SLC8A3: variants seen among roughly 807,000 people sequenced by gnomAD.
SLC8A3 encodes the protein sodium/calcium exchanger 3.
In SLC8A3, 37 loss-of-function variants were observed where a neutral mutation model predicts 65.4. The ratio of observed to expected loss-of-function variants is 0.57; its 90% CI spans 0.44 to 0.74. The LOEUF is 0.74. Ranked by LOEUF, SLC8A3 falls within the 30% of genes least tolerant of loss-of-function variation. SLC8A3 has a pLI of 0.00. For missense variants in SLC8A3, 1,112 were observed against 1,172.1 expected (o/e 0.95, Z 0.75); for synonymous variants, 461 against 444.5 (o/e 1.04, Z -0.47).
At chr14:70,063,683 G>A (rs1240926862) in intron 2 of SLC8A3, 2 of 601,628 alleles carry the variant, frequency 3.3e-6, no homozygotes, top group African/African-American at 1.9e-5. Flanking sequence ...GAGAGCAGGA[G>A]AGAGAGCAAG....
intron 2 of SLC8A3, among the ~76,000 whole-genome samples, chr14:70,153,455 G>A (rs764266802): frequency 1.2e-4 from 18 of 152,068 alleles, no homozygotes; most frequent in Non-Finnish European, 2.4e-4. Flanking sequence ...TGGAGGAGGG[G>A]GTTGTGCAAG....
At chr14:70,149,195 C>T (rs1461658712) in intron 2 of SLC8A3, among the ~76,000 whole-genome samples, 2 of 152,140 alleles carry the variant, frequency 1.3e-5, no homozygotes, top group East Asian at 1.9e-4. Flanking sequence ...AACTGCCTTG[C>T]TTAGGTAAAA....
Position 70,054,094 on chromosome 14 carries a change from G to C in SLC8A3, c.1889-1980C>G, listed in dbSNP as rs113905645. 9.2e-3 allele frequency among the ~76,000 whole-genome samples: 1,406 copies of C among 152,328 alleles called. 29 individuals are homozygous for C. The highest frequency in any genetic ancestry group is 0.031 in the African/African-American group (1,308 of 41,558). On this transcript the variant is annotated intron_variant, in intron 3 of 6. Transcript: ENST00000356921. ...AAACTCTCAGTTCTAGGAACAGGAA[G>C]AGAGGCTGGGAGGGGAGAGAAAGAT... is the stretch of plus-strand genomic sequence containing the variant.
chr14:70,123,504 C>A (rs1894224286), intron 2 of SLC8A3, among the ~76,000 whole-genome samples: 1 of 149,420 alleles, frequency 6.7e-6, no homozygotes, highest in Non-Finnish European at 1.5e-5. Flanking sequence ...GGCTGGAGTG[C>A]AATGGTGCAA....
intron 1 of SLC8A3, among the ~76,000 whole-genome samples, chr14:70,171,797 T>C (rs938509516): frequency 6.6e-6 from 1 of 152,002 alleles, no homozygotes. Flanking sequence ...TGAAACTCCG[T>C]CTCAAAAACA....
chr14:70,130,322 G>A (rs928215529), intron 2 of SLC8A3, among the ~76,000 whole-genome samples: 5 of 152,110 alleles, frequency 3.3e-5, no homozygotes, highest in African/African-American at 9.7e-5. Context: ...ACCTGTTCCC[G>A]CCCCCTATAA....
chr14:70,056,128 T>C (rs1888088253), intron 3 of SLC8A3, among the ~76,000 whole-genome samples: 1 of 152,206 alleles, frequency 6.6e-6, no homozygotes, highest in African/African-American at 2.4e-5. Context: ...GGTAGGTTGG[T>C]CACTCATGAC....
At chr14:70,175,529 T>C (rs1386117306) in intron 1 of SLC8A3, among the ~76,000 whole-genome samples, 1 of 152,172 alleles carries the variant, frequency 6.6e-6, no homozygotes, top group Non-Finnish European at 1.5e-5. Flanking sequence ...CAGAAAGTTC[T>C]GTGTCTTCTG....
intron 3 of SLC8A3, chr14:70,055,682 A>G (rs1354003785): frequency 3.7e-6 from 3 of 803,836 alleles, no homozygotes; most frequent in Non-Finnish European, 5.8e-6. Context: ...AGAAATTGTC[A>G]GGTTAACTTG....
chr14:70,083,293 C>A (rs1566767011), intron 2 of SLC8A3, among the ~76,000 whole-genome samples: 1 of 152,168 alleles, frequency 6.6e-6, no homozygotes, highest in Non-Finnish European at 1.5e-5. Context: ...CCATGCATGA[C>A]CATTCAGAGT....
intron 2 of SLC8A3, among the ~76,000 whole-genome samples, chr14:70,156,578 G>A (rs1435852239): frequency 1.3e-5 from 2 of 152,160 alleles, no homozygotes; most frequent in African/African-American, 4.8e-5. Context: ...TTCCACCCCA[G>A]TCCTATGCAA....
intron 2 of SLC8A3, among the ~76,000 whole-genome samples, chr14:70,091,957 A>C (rs551312190): frequency 2.0e-5 from 3 of 152,322 alleles, no homozygotes; most frequent in South Asian, 2.1e-4. Flanking sequence ...TGTGTTATGG[A>C]TATGTGGTTC....
chr14:70,160,585 T>G (rs1896824534), intron 2 of SLC8A3, among the ~76,000 whole-genome samples: 1 of 152,130 alleles, frequency 6.6e-6, no homozygotes, highest in Non-Finnish European at 1.5e-5. Context: ...GAGGAATTAT[T>G]ATTCTGGAGA....
intron 3 of SLC8A3, among the ~76,000 whole-genome samples, chr14:70,059,937 A>G (rs1888591128): frequency 6.6e-6 from 1 of 151,920 alleles, no homozygotes; most frequent in African/African-American, 2.4e-5. Flanking sequence ...GGAACTCTCA[A>G]TTTTCTGCTT....
intron 3 of SLC8A3, chr14:70,059,364 A>T (rs939294811): frequency 2.0e-5 from 3 of 152,218 alleles, no homozygotes; most frequent in Non-Finnish European, 4.4e-5. Context: ...AACTAATTGC[A>T]GTATGATCAC....
intron 1 of SLC8A3, among the ~76,000 whole-genome samples, chr14:70,177,925 C>T (rs958130387): frequency 6.6e-6 from 1 of 152,124 alleles, no homozygotes. Flanking sequence ...TCTCCCAGGA[C>T]TGGGATGAGA....
At chr14:70,088,521 A>T (rs1215334825) in intron 2 of SLC8A3, among the ~76,000 whole-genome samples, 1 of 152,104 alleles carries the variant, frequency 6.6e-6, no homozygotes, top group Non-Finnish European at 1.5e-5. Flanking sequence ...AACATTGAAG[A>T]CCTGGCTCAT....
At chr14:70,116,192 T>C (rs1407032778) in intron 2 of SLC8A3, among the ~76,000 whole-genome samples, 1 of 152,136 alleles carries the variant, frequency 6.6e-6, no homozygotes, top group African/African-American at 2.4e-5. Context: ...ATAATAAATA[T>C]GGCGCTTGGG....
chr14:70,152,249 A>G (rs1896315890), intron 2 of SLC8A3, among the ~76,000 whole-genome samples: 3 of 152,176 alleles, frequency 2.0e-5, no homozygotes, highest in Non-Finnish European at 4.4e-5. Flanking sequence ...CATGCAGAGA[A>G]TTAAGGCAAC....
Sources: gnomAD v4.1 joint callset for allele counts (sites outside exome capture counted in the v4.1 genomes callset) on GRCh38, gnomAD v4.1.1 for gene constraint, MANE v1.5 for transcripts, NCBI Gene and HGNC (gene_info 2026-07-23, HGNC 2026-07-21) for gene names.